LSAMP: variants seen among roughly 807,000 people sequenced by gnomAD.
LSAMP encodes limbic system-associated membrane protein.
Under a neutral mutation model 38.6 loss-of-function variants are expected in LSAMP, and 7 were observed. The ratio of observed to expected loss-of-function variants is 0.18; its 90% CI spans 0.10 to 0.34. The LOEUF is 0.34. LSAMP is among the 10% of genes least tolerant of loss of function. The pLI is 1.00. For missense variants in LSAMP, 313 were observed against 420.0 expected, an observed-to-expected ratio of 0.75 and a Z score of 2.23; for synonymous variants, 154 against 166.8, an observed-to-expected ratio of 0.92 and a Z score of 0.59.
chr3:115,891,974 G>T (rs1378692358), intron 3 of LSAMP, among the ~76,000 whole-genome samples: 3 of 151,906 alleles, frequency 2.0e-5, no homozygotes, highest in Non-Finnish European at 4.4e-5. Context: ...GTGCTGGAAT[G>T]TACTTACTTC....
intron 3 of LSAMP, among the ~76,000 whole-genome samples, chr3:115,859,682 G>A (rs957750688): frequency 2.6e-5 from 4 of 152,200 alleles, no homozygotes; most frequent in African/African-American, 7.2e-5. Flanking sequence ...CTATGAATGA[G>A]CATGGGCCAA....
intron 3 of LSAMP, among the ~76,000 whole-genome samples, chr3:115,902,300 T>G (rs1301469305): frequency 6.6e-6 from 1 of 152,006 alleles, no homozygotes; most frequent in Non-Finnish European, 1.5e-5. Context: ...TGCCCATGTA[T>G]TGGAAAAGAC....
At chr3:116,384,797 A>G (rs115556060) in intron 1 of LSAMP, among the ~76,000 whole-genome samples, 1 of 152,150 alleles carries the variant, frequency 6.6e-6, no homozygotes, top group Non-Finnish European at 1.5e-5. Context: ...ACATATTTTA[A>G]TAGGTACAAT....
chr3:116,152,485 G>A (rs1272833612), intron 1 of LSAMP, among the ~76,000 whole-genome samples: 3 of 151,956 alleles, frequency 2.0e-5, no homozygotes, highest in Admixed American at 6.6e-5. Context: ...GCACTGCCTC[G>A]GCCACTTTTC....
intron 6 of LSAMP, among the ~76,000 whole-genome samples, chr3:115,823,992 C>G (rs1372756566): frequency 6.6e-6 from 1 of 152,190 alleles, no homozygotes; most frequent in Non-Finnish European, 1.5e-5. Context: ...ACAGAAAGAG[C>G]AGTCTCACTA....
chr3:116,228,514 C>A (rs553637290), intron 1 of LSAMP, among the ~76,000 whole-genome samples: 3 of 151,922 alleles, frequency 2.0e-5, no homozygotes, highest in South Asian at 4.2e-4. Context: ...ATAGTGTATA[C>A]CTGATATGAT....
At chr3:116,196,963 T>C (rs922657805) in intron 1 of LSAMP, among the ~76,000 whole-genome samples, 5 of 152,190 alleles carry the variant, frequency 3.3e-5, no homozygotes, top group African/African-American at 1.2e-4. Flanking sequence ...CGTTATTCTC[T>C]TCATCTTGAG....
chr3:115,864,795 G>T (rs1286597184), intron 3 of LSAMP, among the ~76,000 whole-genome samples: 1 of 152,126 alleles, frequency 6.6e-6, no homozygotes, highest in Non-Finnish European at 1.5e-5. Flanking sequence ...AATTTTCATG[G>T]ATAGAGAGAG....
chr3:115,827,471 G>A (rs1352152466), intron 6 of LSAMP, among the ~76,000 whole-genome samples: 1 of 151,972 alleles, frequency 6.6e-6, no homozygotes, highest in African/African-American at 2.4e-5. Context: ...TTTATTGCGA[G>A]TATGGGGCAG....
chr3:115,873,059 C>T (rs371634671), intron 3 of LSAMP, among the ~76,000 whole-genome samples: 1 of 151,968 alleles, frequency 6.6e-6, no homozygotes, highest in African/African-American at 2.4e-5. Flanking sequence ...TATAAAGCTA[C>T]AAATTAGTGG....
chr3:115,858,206 A>C (rs1343434862), intron 3 of LSAMP, among the ~76,000 whole-genome samples: 2 of 151,400 alleles, frequency 1.3e-5, no homozygotes, highest in Non-Finnish European at 2.9e-5. Context: ...TTTACATATA[A>C]GATTTTACTG....
chr3:116,194,027 T>C (rs1710816857), intron 1 of LSAMP, among the ~76,000 whole-genome samples: 1 of 152,098 alleles, frequency 6.6e-6, no homozygotes, highest in East Asian at 1.9e-4. Flanking sequence ...CAGGGTGCAA[T>C]TGGAACTGAC....
At chr3:116,424,159 T>A (rs1027876904) in intron 1 of LSAMP, among the ~76,000 whole-genome samples, 2 of 152,230 alleles carry the variant, frequency 1.3e-5, no homozygotes, top group Non-Finnish European at 2.9e-5. Context: ...GTAGTGGGAA[T>A]AATGTGCATG....
chr3:116,219,223 C>T (rs2046254592), intron 1 of LSAMP, among the ~76,000 whole-genome samples: 1 of 152,178 alleles, frequency 6.6e-6, no homozygotes, highest in Non-Finnish European at 1.5e-5. Context: ...CTGTGACTGC[C>T]TTATTTCACT....
chr3:115,854,555 T>C (rs1202949277), intron 3 of LSAMP, among the ~76,000 whole-genome samples: 1 of 152,190 alleles, frequency 6.6e-6, no homozygotes, highest in Non-Finnish European at 1.5e-5. Flanking sequence ...TCTACATTTT[T>C]CTCTTCTCCT....
chr3:116,131,078 T>C (rs1251419676), intron 1 of LSAMP, among the ~76,000 whole-genome samples: 5 of 147,980 alleles, frequency 3.4e-5, no homozygotes, highest in Non-Finnish European at 7.5e-5. Context: ...GCAAGCTCCA[T>C]CTCCCAGGTT....
rs773089010 is a variant in LSAMP at position 116,445,015 on chromosome 3, T to A, written c.17A>T (p.Gln6Leu). Residue 6 changes from glutamine (Q) to leucine (L), a missense_variant, in exon 1 of 7, where the codon CAG (glutamine) becomes CTG (leucine). Gln to Leu is a moderately radical substitution (Grantham distance 113, BLOSUM62 -2). Coordinates refer to ENST00000490035, the MANE Select transcript of LSAMP (RefSeq NM_002338.5). Reference protein sequence around the residue: MVRRVQPDRKQLPLVL... With the variant: MVRRVLPDRKQLPLVL... ...CAGTGGCAACTGTTTCCGATCCGGC[T>A]GAACTCTCCTGACCATGGTGGCCAC... 1.1e-5 allele frequency: 17 copies of A among 1,613,754 alleles called. 1 individual carries two copies. The Admixed American group carries it at 2.8e-4, about 27-fold the overall frequency.
intron 1 of LSAMP, among the ~76,000 whole-genome samples, chr3:116,322,035 C>A (rs2047713251): frequency 6.6e-6 from 1 of 152,058 alleles, no homozygotes; most frequent in Non-Finnish European, 1.5e-5. Flanking sequence ...ATTTATAGGA[C>A]AATAAAAGAA....
chr3:116,419,661 A>C (rs965708700), intron 1 of LSAMP, among the ~76,000 whole-genome samples: 2 of 152,168 alleles, frequency 1.3e-5, no homozygotes. Flanking sequence ...GGGACAAGGC[A>C]GACTAATAAT....
Sources: gnomAD v4.1 joint callset for allele counts (sites outside exome capture counted in the v4.1 genomes callset) on GRCh38, gnomAD v4.1.1 for gene constraint, MANE v1.5 for transcripts, NCBI Gene and HGNC (gene_info 2026-07-23, HGNC 2026-07-21) for gene names.